Variants in KIAA1671 observed in about 807,000 individuals in gnomAD.
KIAA1671 encodes the protein KIAA1671, also known as uncharacterized protein KIAA1671.
KIAA1671 carries 52 observed loss-of-function variants against 131.2 expected under a neutral mutation model. The ratio of observed to expected loss-of-function variants is 0.40; its 90% CI spans 0.32 to 0.50. The LOEUF (loss-of-function observed/expected upper bound fraction) is 0.50. Ranked by LOEUF, KIAA1671 falls within the 20% of genes least tolerant of loss-of-function variation. KIAA1671 has a pLI of 0.73. For synonymous variants in KIAA1671, 1,003 were observed against 961.6 expected (o/e 1.04, Z -0.80); for missense variants, 2,360 against 2,364.2 (o/e 1.00, Z 0.04).
intron 6 of KIAA1671, among the ~76,000 whole-genome samples, chr22:25,075,950 A>G (rs1199237013): frequency 6.6e-6 from 1 of 151,480 alleles, no homozygotes; most frequent in Non-Finnish European, 1.5e-5. Flanking sequence ...TAATTTTTGT[A>G]TTTTTAGTAG....
chr22:25,035,815 A>C, intron 4 of KIAA1671, among the ~76,000 whole-genome samples: 1 of 152,220 alleles, frequency 6.6e-6, no homozygotes, highest in East Asian at 1.9e-4. Context: ...AGAAAGGAAT[A>C]GTTAAGAAAT....
intron 6 of KIAA1671, among the ~76,000 whole-genome samples, chr22:25,065,956 A>G (rs1416009438): frequency 6.6e-6 from 1 of 152,112 alleles, no homozygotes; most frequent in East Asian, 1.9e-4. Context: ...GGTACTTTAA[A>G]GAAACAGAGA....
intron 6 of KIAA1671, among the ~76,000 whole-genome samples, chr22:25,096,792 C>T (rs1325830598): frequency 6.6e-6 from 1 of 152,184 alleles, no homozygotes; most frequent in Non-Finnish European, 1.5e-5. Context: ...CCATCCTGTC[C>T]TCAAGCAACC....
chr22:25,117,363 C>G (rs1193993121), intron 6 of KIAA1671, among the ~76,000 whole-genome samples: 1 of 152,042 alleles, frequency 6.6e-6, no homozygotes, highest in Non-Finnish European at 1.5e-5. Context: ...GAGGGGAAGT[C>G]ACAGGACTGG....
At chr22:25,094,106 G>A (rs1173735296) in intron 6 of KIAA1671, among the ~76,000 whole-genome samples, 1 of 152,104 alleles carries the variant, frequency 6.6e-6, no homozygotes, top group Non-Finnish European at 1.5e-5. Context: ...CGAAGAAAGC[G>A]AACCATCAAC....
chr22:25,080,904 T>C (rs742162), intron 6 of KIAA1671, among the ~76,000 whole-genome samples: 117,735 of 152,084 alleles, frequency 0.77, 46,560 homozygotes, highest in African/African-American at 0.93. Flanking sequence ...CTCAGTCACC[T>C]TCCCGTGCTG....
At chr22:25,006,233 A>T (rs113545960) in intron 1 of KIAA1671, among the ~76,000 whole-genome samples, 2,105 of 152,146 alleles carry the variant, frequency 0.014, 39 homozygotes, top group African/African-American at 0.047. Flanking sequence ...GGGTTTCACC[A>T]TGTTGGCCAG....
At chr22:24,991,056 G>A (rs1040418043) in intron 1 of KIAA1671, among the ~76,000 whole-genome samples, 11 of 152,104 alleles carry the variant, frequency 7.2e-5, no homozygotes, top group Admixed American at 3.3e-4. Context: ...GTCTCACTCC[G>A]TTGTCCAGGC....
Position 24,978,873 on chromosome 22 carries a change from G to A in KIAA1671, c.-208+26101G>A, listed in dbSNP as rs1486862505. 3.3e-5 allele frequency among the ~76,000 whole-genome samples: 5 copies of A among 151,882 alleles called. No homozygotes were observed. The Middle Eastern group carries it at 0.01, about 312-fold the overall frequency. On this transcript the variant is annotated intron_variant, in intron 1 of 12. Coordinates refer to ENST00000358431, the MANE Select transcript of KIAA1671 (RefSeq NM_001145206.2). ...TAATTTTTGTATTTTTAGTAGAGAC[G>A]GGGTTTTCACCATGTCGGCCAGGCT...
chr22:25,134,923 C>T (rs1470640593), intron 6 of KIAA1671, among the ~76,000 whole-genome samples: 2 of 152,164 alleles, frequency 1.3e-5, no homozygotes, highest in Non-Finnish European at 2.9e-5. Flanking sequence ...GCACTTAGCA[C>T]CATGTCACGT....
At chr22:25,032,762 G>A (rs1926361669) in intron 4 of KIAA1671, 66 bp downstream of exon 4, 2 of 985,064 alleles carry the variant, frequency 2.0e-6, no homozygotes, top group African/African-American at 1.6e-5. Flanking sequence ...TGGAGAAAGA[G>A]CCTCCATGAT....
rs184849075 is a variant in KIAA1671, at chr22:25,127,498, T to C, written c.4531-43322T>C. Among the ~76,000 whole-genome samples the C allele has an allele frequency of 2.3e-3, 352 of 152,296 alleles. 4 individuals are homozygous for C. Among genetic ancestry groups the C allele is most frequent in the Non-Finnish European group, 3.2e-3 (217 of 68,024 alleles). On this transcript the variant is annotated intron_variant, in intron 6 of 12. Coordinates refer to ENST00000358431, the MANE Select transcript of KIAA1671 (RefSeq NM_001145206.2). ...GCATAGAGCCAGCAGCCCCATCCTCTTCTTCCCGGCCTCTTTTGCATCCAC... is the reference window on the plus strand; with the variant it reads ...GCATAGAGCCAGCAGCCCCATCCTCCTCTTCCCGGCCTCTTTTGCATCCAC...
At chr22:24,970,029 A>C (rs1264789573) in intron 1 of KIAA1671, among the ~76,000 whole-genome samples, 3 of 152,206 alleles carry the variant, frequency 2.0e-5, no homozygotes, top group Admixed American at 1.3e-4. Context: ...TGACTCACAC[A>C]AAGCACTCTG....
At chr22:25,133,015 A>G (rs1932510813) in intron 6 of KIAA1671, among the ~76,000 whole-genome samples, 1 of 143,150 alleles carries the variant, frequency 7.0e-6, no homozygotes, top group South Asian at 2.2e-4. Context: ...AGATTACACC[A>G]TTGCATTCCA....
intron 1 of KIAA1671, among the ~76,000 whole-genome samples, chr22:25,003,676 T>G (rs1289997853): frequency 6.6e-6 from 1 of 152,070 alleles, no homozygotes; most frequent in Non-Finnish European, 1.5e-5. Context: ...CCTCCCAAAG[T>G]GCTGGGATTA....
intron 6 of KIAA1671, chr22:25,050,364 C>T (rs1157898119): frequency 6.6e-6 from 1 of 152,296 alleles, no homozygotes; most frequent in Non-Finnish European, 1.5e-5. Flanking sequence ...AAGCCCCTTT[C>T]CGGCCCAGGT....
intron 6 of KIAA1671, among the ~76,000 whole-genome samples, chr22:25,066,994 C>T (rs961166429): frequency 2.6e-5 from 4 of 152,260 alleles, no homozygotes; most frequent in East Asian, 3.9e-4. Flanking sequence ...TGTTCCACTT[C>T]GTCAGCCTCT....
intron 6 of KIAA1671, among the ~76,000 whole-genome samples, chr22:25,142,211 T>A (rs1039871272): frequency 6.6e-6 from 1 of 152,190 alleles, no homozygotes; most frequent in Non-Finnish European, 1.5e-5. Context: ...AGCCTCTGGT[T>A]GCCTAGCAAC....
intron 6 of KIAA1671, among the ~76,000 whole-genome samples, chr22:25,163,812 T>A (rs1254243403): frequency 6.6e-6 from 1 of 152,166 alleles, no homozygotes; most frequent in African/African-American, 2.4e-5. Flanking sequence ...ATTTAGGTTG[T>A]CTCTCGTATT....
Sources: gnomAD v4.1 joint callset for allele counts (sites outside exome capture counted in the v4.1 genomes callset) on GRCh38, gnomAD v4.1.1 for gene constraint, MANE v1.5 for transcripts, NCBI Gene and HGNC (gene_info 2026-07-23, HGNC 2026-07-21) for gene names.